The following UROS variants were observed in gnomAD, a reference collection of about 807,000 sequenced individuals.
UROS encodes the protein uroporphyrinogen III synthase, also known as uroporphyrinogen-III synthase.
Under a neutral mutation model 33.0 loss-of-function variants are expected in UROS, and 18 were observed. The ratio of observed to expected loss-of-function variants is 0.55; its 90% CI spans 0.38 to 0.81. The LOEUF (loss-of-function observed/expected upper bound fraction) is 0.81. UROS is among the 30% of genes least tolerant of loss of function. The pLI, the probability that UROS is intolerant of heterozygous loss-of-function variation, is 0.00. For missense variants in UROS, 293 were observed against 314.9 expected (o/e 0.93, Z 0.53); for synonymous variants, 114 against 121.1 (o/e 0.94, Z 0.38).
intron 4 of UROS, 104 bp from the exon 5 acceptor site, chr10:125,812,392 C>T (rs539573464): frequency 2.1e-6 from 2 of 962,702 alleles, no homozygotes; most frequent in Admixed American, 1.9e-5. Flanking sequence ...GCAAAGCAAA[C>T]TATTAGCAAC....
chr10:125,807,323 G>T, intron 6 of UROS, 90 bp downstream of exon 6: 1 of 1,105,080 alleles, frequency 9.0e-7, no homozygotes, highest in Non-Finnish European at 1.4e-6. Flanking sequence ...CACCAAGAAT[G>T]CACTGAGGAA....
chr10:125,802,292 C>A, intron 6 of UROS: 1 of 985,878 alleles, frequency 1.0e-6, no homozygotes, highest in Non-Finnish European at 1.2e-6. Context: ...CGGGGCCCAA[C>A]CAGTGCTCTC....
At chr10:125,786,198 G>A (rs527952913), downstream of UROS, among the ~76,000 whole-genome samples, 1 of 152,072 alleles carries the variant, frequency 6.6e-6, no homozygotes, top group Admixed American at 6.5e-5. Context: ...AGGAATAGCT[G>A]GATCTATTAA....
chr10:125,790,134 A>C (rs1244347404), intron 9 of UROS, among the ~76,000 whole-genome samples: 2 of 152,172 alleles, frequency 1.3e-5, no homozygotes, highest in African/African-American at 4.8e-5. Flanking sequence ...AGTCAGAACG[A>C]GGGGAGGGAG....
intron 6 of UROS, chr10:125,802,746 A>G (rs926513991): frequency 6.4e-6 from 9 of 1,414,972 alleles, no homozygotes; most frequent in Non-Finnish European, 7.4e-6. Context: ...GGTACAGCCC[A>G]GGTAGGGAGG....
In UROS at chr10:125,788,985, A is replaced by G. The variant is rs773421406; in HGVS notation, c.681T>C (p.Thr227=). 1.2e-5 allele frequency: 20 copies of G among 1,612,792 alleles called. No individual in the cohort carries two copies. ...DQIKFAAIGP[T]TARALAAQGL... is the part of the protein sequence containing the mutation. ...CCTGGGCGGCCAGCGCGCGAGCCGT[A>G]GTGGGGCCGATGGCTGCAAACTATA... The change falls in exon 10 of 10, where the codon ACT becomes ACC. Residue 227 remains threonine, a synonymous_variant. Transcript: ENST00000368797.
chr10:125,802,232 G>A (rs1248670064), intron 6 of UROS: 1 of 985,402 alleles, frequency 1.0e-6, no homozygotes, highest in Admixed American at 6.1e-5. Flanking sequence ...ACACTGATGT[G>A]TGGCTCCATG....
intron 4 of UROS, among the ~76,000 whole-genome samples, chr10:125,812,734 A>G (rs1017033132): frequency 2.0e-5 from 3 of 152,274 alleles, no homozygotes; most frequent in African/African-American, 7.2e-5. Context: ...AACAAACTGT[A>G]ATCTCAGAGG....
intron 1 of UROS, among the ~76,000 whole-genome samples, chr10:125,818,910 A>G (rs1853600290): frequency 6.6e-6 from 1 of 152,254 alleles, no homozygotes; most frequent in African/African-American, 2.4e-5. Flanking sequence ...TTAAAGTAAA[A>G]TGGAGCACTT....
Position 125,801,970 on chromosome 10 carries a change from G to A in UROS, c.395-3825C>T, listed in dbSNP as rs145818285. 4.6e-4 allele frequency: 448 copies of A among 972,750 alleles called. 4 individuals carry two copies. The African/African-American group carries it at 7.0e-3, about 15-fold the overall frequency. 60.3% of individuals were successfully genotyped at this position (972,750 alleles called of 1,614,324 possible). ...CAATGTCTTCACTGAAAACAGGCAG[G>A]AGCCACCTATTCTATTAAAGAGCTA... On this transcript the variant is annotated intron_variant, in intron 6 of 9. Transcript: ENST00000368797.
At chr10:125,787,978 A>G (rs1356203920), downstream of UROS, among the ~76,000 whole-genome samples, 6 of 152,228 alleles carry the variant, frequency 3.9e-5, no homozygotes, top group African/African-American at 1.4e-4. Flanking sequence ...ACCTCACCAG[A>G]GTCTGTTTCC....
intron 7 of UROS, among the ~76,000 whole-genome samples, chr10:125,796,602 C>T (rs773189107): frequency 1.3e-5 from 2 of 152,192 alleles, no homozygotes; most frequent in Admixed American, 1.3e-4. Context: ...TCCAGATCCC[C>T]GGCTGCACTC....
intron 1 of UROS, among the ~76,000 whole-genome samples, chr10:125,819,083 C>G (rs951131679): frequency 5.3e-5 from 8 of 152,168 alleles, no homozygotes; most frequent in Non-Finnish European, 1.2e-4. Context: ...CTCCCGGGTT[C>G]AAGCGATTCT....
chr10:125,822,296 GACTACCCC>G (rs1379673027), intron 1 of UROS, among the ~76,000 whole-genome samples: 1 of 149,706 alleles, frequency 6.7e-6, no homozygotes, highest in Non-Finnish European at 1.5e-5. Context: ...CTTTAACCTA[GACTACCCC>G]ACTGGCCCCG....
chr10:125,822,773 T>C (rs1023186817), intron 1 of UROS, among the ~76,000 whole-genome samples: 1 of 152,134 alleles, frequency 6.6e-6, no homozygotes, highest in African/African-American at 2.4e-5. Context: ...CCGAAGCATT[T>C]TTAACTGCGG....
At chr10:125,785,554 T>C (rs1850613352), downstream of UROS, 1 of 152,280 alleles carries the variant, frequency 6.6e-6, no homozygotes, top group South Asian at 2.1e-4. Flanking sequence ...TGTTTTTATT[T>C]TGTTACCTTC....
chr10:125,809,299 T>C (rs1852597158), intron 5 of UROS, among the ~76,000 whole-genome samples: 1 of 152,260 alleles, frequency 6.6e-6, no homozygotes, highest in African/African-American at 2.4e-5. Flanking sequence ...GATGGGAAAG[T>C]TGGGGCACCT....
At position 125,788,708 on chromosome 10, in the gene UROS, C is replaced by T. The variant is rs1045400628; in HGVS notation, c.*160G>A. On this transcript the variant is annotated 3_prime_UTR_variant, in exon 10 of 10. Transcript: ENST00000368797. ...ACGTGCACGTGGGCCTGAGGCCAGC[C>T]CCAGGTCAGGTCCCGATCCCCGGTC... 7.0e-7 allele frequency: 1 copy of T among 1,436,384 alleles called. No homozygotes were observed. The highest frequency in any genetic ancestry group is 9.1e-7 in the Non-Finnish European group (1 of 1,099,410). 89.0% of individuals were successfully genotyped at this position (1,436,384 alleles called of 1,614,324 possible).
At chr10:125,815,527 G>A (rs1376939928) in intron 3 of UROS, among the ~76,000 whole-genome samples, 1 of 152,180 alleles carries the variant, frequency 6.6e-6, no homozygotes, top group Non-Finnish European at 1.5e-5. Context: ...TATCAATGCT[G>A]AAGTCCTGAT....
Sources: allele counts gnomAD v4.1 joint callset (sites outside exome capture counted in the v4.1 genomes callset), GRCh38; gene constraint gnomAD v4.1.1; transcripts MANE v1.5; gene names NCBI Gene and HGNC (gene_info 2026-07-23, HGNC 2026-07-21).